POMGNT2: variants seen among roughly 807,000 people sequenced by gnomAD.
POMGNT2 encodes the protein protein O-linked-mannose beta-1,4-N-acetylglucosaminyltransferase 2.
POMGNT2 carries 32 observed loss-of-function variants against 37.8 expected under a neutral mutation model. The ratio of observed to expected loss-of-function variants is 0.85; its 90% CI spans 0.64 to 1.14. POMGNT2 has a LOEUF of 1.14. Ranked by LOEUF, POMGNT2 falls within the 50% of genes most tolerant of loss-of-function variation. POMGNT2 has a pLI of 0.00. For missense variants in POMGNT2, 705 were observed against 780.6 expected (o/e 0.90, Z 1.15); for synonymous variants, 340 against 336.8 (o/e 1.01, Z -0.10).
chr3:43,080,998 T>G lies in POMGNT2; in HGVS notation c.434A>C (p.Lys145Thr), dbSNP rs749436912. ...LPAAALRFMP[K>T]PVFVPDVALI... Reference sequence around the variant, plus strand: ...GGCCACGTCTGGCACGAACACCGGCTTGGGCATGAAGCGCAGGGCAGCAGC... The same window carrying G: ...GGCCACGTCTGGCACGAACACCGGCGTGGGCATGAAGCGCAGGGCAGCAGC... The change falls in exon 2 of 2, where the codon AAG (lysine) becomes ACG (threonine). Residue 145 changes from lysine (K) to threonine (T), a missense_variant. Lys to Thr is a moderately conservative substitution (Grantham distance 78). Transcript: ENST00000344697. The G allele has an allele frequency of 6.2e-7, 1 of 1,614,196 alleles. No homozygotes were observed. Among genetic ancestry groups the G allele is most frequent in the Non-Finnish European group, 8.5e-7 (1 of 1,180,040 alleles).
rs1233098040 is a variant in POMGNT2 at position 43,081,514 on chromosome 3, G to A, written c.-83C>T. 5 of 1,185,252 alleles carry A rather than the reference G, an allele frequency of 4.2e-6. No individual in the cohort carries two copies. The African/African-American group carries it at 4.6e-5, about 11-fold the overall frequency. 73.4% of individuals were successfully genotyped at this position (1,185,252 alleles called of 1,614,324 possible). On this transcript the variant is annotated 5_prime_UTR_variant, in exon 2 of 2. Transcript: ENST00000344697. ...AGGCAGGCTTCACCCATCCCTATGG[G>A]CATCCTGAGAACTGGTGAAAGCCTG...
chr3:43,088,468 C>A (rs2089916269), intron 1 of POMGNT2, among the ~76,000 whole-genome samples: 1 of 152,176 alleles, frequency 6.6e-6, no homozygotes, highest in Non-Finnish European at 1.5e-5. Context: ...GCAGCCACTG[C>A]CCTCTTCCTT....
chr3:43,091,659 T>C (rs1164794858), intron 1 of POMGNT2, among the ~76,000 whole-genome samples: 1 of 152,174 alleles, frequency 6.6e-6, no homozygotes, highest in Non-Finnish European at 1.5e-5. Context: ...AAGGTAAAAA[T>C]AGAAACTACA....
intron 1 of POMGNT2, among the ~76,000 whole-genome samples, chr3:43,096,188 C>G (rs1314116141): frequency 1.3e-5 from 2 of 152,134 alleles, no homozygotes; most frequent in Admixed American, 6.5e-5. Context: ...AGTTTTGGCC[C>G]CTCCACTGCT....
At chr3:43,088,360 TGGCACCTTG>T (rs2089914705) in intron 1 of POMGNT2, among the ~76,000 whole-genome samples, 1 of 152,224 alleles carries the variant, frequency 6.6e-6, no homozygotes, top group African/African-American at 2.4e-5. Flanking sequence ...ATGTCATTGG[TGGCACCTTG>T]GGCCTGGTCA....
Position 43,080,572 on chromosome 3 carries a change from T to C in POMGNT2, c.860A>G (p.Glu287Gly), listed in dbSNP as rs771625920. The change falls in exon 2 of 2, where the codon GAG (glutamate) becomes GGG (glycine). Residue 287 changes from glutamate (E) to glycine (G), a missense_variant. Glu to Gly is a moderately conservative substitution (Grantham distance 98). Transcript: ENST00000344697. ...VSHTGVPLGE[E>G]YILVFSRTQN... Reference sequence around the variant, plus strand: ...GGTTCGGCTAAAGACCAGAATGTACTCCTCGCCTAGGGGGACTCCTGTGTG... The same window carrying C: ...GGTTCGGCTAAAGACCAGAATGTACCCCTCGCCTAGGGGGACTCCTGTGTG... The C allele has an allele frequency of 2.5e-6, 4 of 1,614,234 alleles. No individual in the cohort carries two copies. The South Asian group carries it at 4.4e-5, about 18-fold the overall frequency.
rs1162775277 is a variant in POMGNT2, at chr3:43,079,283, CA to C, written c.*405del. On this transcript the variant is annotated 3_prime_UTR_variant, in exon 2 of 2. Coordinates refer to ENST00000344697, the MANE Select transcript of POMGNT2 (RefSeq NM_032806.6). ...TCCAAACACACCCTTCACTGGGCTA[CA>C]GGTAAATTTCACTGGGATGGAAGCA... 5.9e-6 allele frequency: 1 copy of C among 169,578 alleles called. No individual in the cohort carries two copies. The highest frequency in any genetic ancestry group is 2.4e-5 in the African/African-American group (1 of 41,978). The allele number at this position is 169,578 out of a possible 1,614,324, so 10.5% of individuals were successfully genotyped here. A position where few individuals can be genotyped will look rare whatever the true frequency, so the allele number is the denominator to read the frequency against.
In POMGNT2 at chr3:43,106,046, T is replaced by G. The variant is rs2002182; in HGVS notation, c.-316A>C. ...GGCTCGCAGGTGTCCGCCGTGCGCC[T>G]GCCCGGCGGGCGAGCCCGGCGCGGA... On this transcript the variant is annotated 5_prime_UTR_variant, in exon 1 of 2. Transcript: ENST00000344697. 0.42 allele frequency: 64,317 copies of G among 151,428 alleles called. 14,536 individuals are homozygous for G. The highest frequency in any genetic ancestry group is 0.63 in the East Asian group (3,147 of 5,022). 9.4% of individuals were successfully genotyped at this position (151,428 alleles called of 1,614,324 possible).
At chr3:43,103,175 C>T (rs1373840688) in intron 1 of POMGNT2, among the ~76,000 whole-genome samples, 1 of 152,178 alleles carries the variant, frequency 6.6e-6, no homozygotes, top group Non-Finnish European at 1.5e-5. Context: ...ATGATTTCCT[C>T]CAACTCTTTA....
In POMGNT2 at chr3:43,080,484, C is replaced by G; in HGVS notation, c.948G>C (p.Met316Ile). Residue 316 changes from methionine to isoleucine, a missense_variant, in exon 2 of 2, where the codon ATG (methionine) becomes ATC (isoleucine). Physicochemically the swap from Met to Ile is conservative, Grantham distance 10 (BLOSUM62 1). Coordinates refer to ENST00000344697, the MANE Select transcript of POMGNT2 (RefSeq NM_032806.6). ...LLLALAQEFQ[M>I]KTVTVSLEDH... ...CCTCCAGGGACACTGTCACTGTCTT[C>G]ATCTGGAACTCCTGGGCCAGTGCCA... 1 of 1,614,202 alleles carries G rather than the reference C, an allele frequency of 6.2e-7. No homozygotes were observed. The highest frequency in any genetic ancestry group is 8.5e-7 in the Non-Finnish European group (1 of 1,180,032).
At chr3:43,087,988 G>T (rs1456950819) in intron 1 of POMGNT2, 1 of 152,198 alleles carries the variant, frequency 6.6e-6, no homozygotes, top group Non-Finnish European at 1.5e-5. Flanking sequence ...GGTAAGAAAT[G>T]ATGTATAGTT....
intron 1 of POMGNT2, among the ~76,000 whole-genome samples, chr3:43,089,717 C>T (rs1406309098): frequency 1.3e-5 from 2 of 152,050 alleles, no homozygotes; most frequent in Non-Finnish European, 2.9e-5. Context: ...TTCCTGATGG[C>T]AATTCGAGTC....
intron 1 of POMGNT2, among the ~76,000 whole-genome samples, chr3:43,082,265 G>C (rs1261592204): frequency 1.3e-5 from 2 of 152,168 alleles, no homozygotes; most frequent in African/African-American, 4.8e-5. Context: ...ACTGTTCCCA[G>C]GTTGCACACC....
chr3:43,091,605 G>A (rs760590999), intron 1 of POMGNT2, among the ~76,000 whole-genome samples: 1 of 152,184 alleles, frequency 6.6e-6, no homozygotes, highest in Non-Finnish European at 1.5e-5. Context: ...GAGGATATTT[G>A]CATAGTCTCA....
Position 43,079,829 on chromosome 3 carries a change from C to T in POMGNT2, c.1603G>A (p.Val535Met), listed in dbSNP as rs376906501. ...WLQEQGENTYVPYILALQNHT... is the reference protein window; with the variant it reads ...WLQEQGENTYMPYILALQNHT... ...TTCTGCAGAGCCAGGATGTAAGGCACGTAGGTGTTCTCCCCCTGCTCCTGC... is the reference window on the plus strand; with the variant it reads ...TTCTGCAGAGCCAGGATGTAAGGCATGTAGGTGTTCTCCCCCTGCTCCTGC... The change falls in exon 2 of 2, where the codon GTG becomes ATG. Residue 535 changes from valine (V) to methionine (M), a missense_variant. By Grantham distance (21) the Val-to-Met change is conservative (BLOSUM62 1). Coordinates refer to ENST00000344697, the MANE Select transcript of POMGNT2 (RefSeq NM_032806.6). 39 of 1,614,210 alleles carry T rather than the reference C, an allele frequency of 2.4e-5. No homozygotes were observed. Among genetic ancestry groups the T allele is most frequent in the Middle Eastern group, 3.3e-4 (2 of 6,062 alleles).
At chr3:43,086,060 T>TA (rs34480566) in intron 1 of POMGNT2, among the ~76,000 whole-genome samples, 24,444 of 152,170 alleles carry the variant, frequency 0.16, 2,382 homozygotes, top group East Asian at 0.28. Context: ...GGGATAGGGA[T>TA]AAATTTGTCT....
chr3:43,079,852 T>A lies in POMGNT2; in HGVS notation c.1580A>T (p.Gln527Leu), dbSNP rs547125315. Residue 527 changes from glutamine (Q) to leucine (L), a missense_variant, in exon 2 of 2, where the codon CAG becomes CTG. Coordinates refer to ENST00000344697, the MANE Select transcript of POMGNT2 (RefSeq NM_032806.6). ...VREVKYEVWL[Q>L]EQGENTYVPY... ...CACGTAGGTGTTCTCCCCCTGCTCCTGCAGCCACACCTCGTACTTCACCTC... is the reference window on the plus strand; with the variant it reads ...CACGTAGGTGTTCTCCCCCTGCTCCAGCAGCCACACCTCGTACTTCACCTC... 6.2e-7 allele frequency: 1 copy of A among 1,614,230 alleles called. No homozygotes were observed. The highest frequency in any genetic ancestry group is 1.1e-5 in the South Asian group (1 of 91,092).
In POMGNT2 at chr3:43,081,074, A is replaced by G; in HGVS notation, c.358T>C (p.Ser120Pro). ...TGAGTGTTGTGGTCCTCCACGGTGGATAGGTCGAGCAGGGCTGGCTGGAAG... is the reference window on the plus strand; with the variant it reads ...TGAGTGTTGTGGTCCTCCACGGTGGGTAGGTCGAGCAGGGCTGGCTGGAAG... ...RRFQPALLDL[S>P]TVEDHNTQYF... The change falls in exon 2 of 2, where the codon TCC becomes CCC. Residue 120 changes from serine to proline, a missense_variant. Physicochemically the swap from Ser to Pro is moderately conservative, Grantham distance 74 (BLOSUM62 -1). Coordinates refer to ENST00000344697, the MANE Select transcript of POMGNT2 (RefSeq NM_032806.6). The G allele has an allele frequency of 6.2e-7, 1 of 1,614,200 alleles. No individual in the cohort carries two copies. Among genetic ancestry groups the G allele is most frequent in the Non-Finnish European group, 8.5e-7 (1 of 1,180,042 alleles).
At chr3:43,083,774 G>T (rs1412630158) in intron 1 of POMGNT2, among the ~76,000 whole-genome samples, 1 of 152,152 alleles carries the variant, frequency 6.6e-6, no homozygotes, top group Non-Finnish European at 1.5e-5. Flanking sequence ...AAGAGGGAAA[G>T]GATCATCTAT....
Sources: allele counts gnomAD v4.1 joint callset (sites outside exome capture counted in the v4.1 genomes callset), GRCh38; gene constraint gnomAD v4.1.1; transcripts MANE v1.5; gene names NCBI Gene and HGNC (gene_info 2026-07-23, HGNC 2026-07-21).